Variants in SPOPL observed in about 807,000 individuals in gnomAD.
The protein encoded by SPOPL is speckle type BTB/POZ protein like.
Under a neutral mutation model 53.8 loss-of-function variants are expected in SPOPL, and 23 were observed. The ratio of observed to expected loss-of-function variants is 0.43; its 90% CI spans 0.31 to 0.61. The LOEUF (loss-of-function observed/expected upper bound fraction) is 0.61, where lower values mean the gene tolerates loss of function less well. Ranked by LOEUF, SPOPL falls within the 20% of genes least tolerant of loss-of-function variation. The pLI, the probability that SPOPL is intolerant of heterozygous loss-of-function variation, is 0.12. For missense variants in SPOPL, 442 were observed against 466.9 expected, an observed-to-expected ratio of 0.95 and a Z score of 0.49; for synonymous variants, 164 against 149.7, an observed-to-expected ratio of 1.10 and a Z score of -0.70.
chr2:138,534,723 T>C (rs1684891049), intron 1 of SPOPL, among the ~76,000 whole-genome samples: 1 of 152,212 alleles, frequency 6.6e-6, no homozygotes. Flanking sequence ...CAGAACACTT[T>C]TATCAGTCCC....
chr2:138,537,950 G>C (rs1454197357), intron 1 of SPOPL, among the ~76,000 whole-genome samples: 1 of 152,112 alleles, frequency 6.6e-6, no homozygotes, highest in Admixed American at 6.6e-5. Flanking sequence ...GTCTCTGCTG[G>C]TTATGGGGGT....
In SPOPL at chr2:138,546,963, T is replaced by TTTTA. The variant is rs560717451; in HGVS notation, c.-60-3191_-60-3190insATTT. Among the ~76,000 whole-genome samples the TTTTA allele has an allele frequency of 1.6e-3, 250 of 152,282 alleles. 1 individual carries two copies. The highest frequency in any genetic ancestry group is 2.8e-3 in the Admixed American group (43 of 15,292). ...TCTTTTATGTAGCTTGCTTTTATTT[T>TTTTA]TTTTATTTTATTTTATTTTTGAGAT... On this transcript the variant is annotated intron_variant, in intron 1 of 10. Transcript: ENST00000280098.
chr2:138,554,514 CTG>C, intron 5 of SPOPL: 1 of 1,289,530 alleles, frequency 7.8e-7, no homozygotes, highest in South Asian at 1.3e-5. Flanking sequence ...TCCCCCTCCC[CTG>C]CAAGTGGTGC....
rs1178180251 is a variant in SPOPL, at chr2:138,559,030, G to T, written c.489G>T (p.Val163=). ...TGTCCCTTTTTTATTAGGTGAGTGTGGTCCAAGATTCAGTAAACATATCAG... is the reference window on the plus strand; with the variant it reads ...TGTCCCTTTTTTATTAGGTGAGTGTTGTCCAAGATTCAGTAAACATATCAG... ...DKLTLFCEVS[V]VQDSVNISGH... The change falls in exon 6 of 11, where the codon GTG becomes GTT. Residue 163 remains valine (V), a synonymous_variant. Transcript: ENST00000280098. The T allele has an allele frequency of 1.3e-6, 2 of 1,591,866 alleles. No individual in the cohort carries two copies. The highest frequency in any genetic ancestry group is 1.7e-6 in the Non-Finnish European group (2 of 1,172,264).
intron 1 of SPOPL, among the ~76,000 whole-genome samples, chr2:138,524,711 G>T (rs779620431): frequency 6.6e-6 from 1 of 152,126 alleles, no homozygotes; most frequent in East Asian, 1.9e-4. Context: ...TTGCTAAAAC[G>T]TAACAAGACC....
chr2:138,532,551 C>T (rs1452122667), intron 1 of SPOPL, among the ~76,000 whole-genome samples: 8 of 149,862 alleles, frequency 5.3e-5, no homozygotes, highest in Admixed American at 2.0e-4. Context: ...ATCAGCCTCC[C>T]GAGTAGCTGG....
chr2:138,539,323 A>G (rs1181769265), intron 1 of SPOPL, among the ~76,000 whole-genome samples: 1 of 152,302 alleles, frequency 6.6e-6, no homozygotes, highest in Admixed American at 6.5e-5. Context: ...AGGAATCGCC[A>G]CACTGACTTC....
At chr2:138,503,782 G>A (rs55912468) in intron 1 of SPOPL, among the ~76,000 whole-genome samples, 3,423 of 152,238 alleles carry the variant, frequency 0.022, 134 homozygotes, top group African/African-American at 0.078. Context: ...ACAGATAAAA[G>A]TTTTAGTACT....
rs1163315087 is a variant in SPOPL at position 138,573,498 on chromosome 2, C to G, written c.*4418C>G. On this transcript the variant is annotated 3_prime_UTR_variant, in exon 11 of 11. Coordinates refer to ENST00000280098, the MANE Select transcript of SPOPL (RefSeq NM_001001664.3). ...CGTACCATTAATGTAACAGAGATCA[C>G]CTTTTCCCTGTCATTCCTATCCTGT... 1 of 152,162 alleles carries G rather than the reference C, an allele frequency of 6.6e-6. No individual in the cohort carries two copies. The highest frequency in any genetic ancestry group is 1.5e-5 in the Non-Finnish European group (1 of 68,026). The allele number at this position is 152,162 out of a possible 1,614,324, so 9.4% of individuals were successfully genotyped here. A position where few individuals can be genotyped will look rare whatever the true frequency, so the allele number is the denominator to read the frequency against.
chr2:138,559,966 C>T, intron 7 of SPOPL, among the ~76,000 whole-genome samples: 1 of 152,102 alleles, frequency 6.6e-6, no homozygotes, highest in East Asian at 1.9e-4. Flanking sequence ...TGCTTTCTTT[C>T]TCCAAGTTTT....
intron 1 of SPOPL, among the ~76,000 whole-genome samples, chr2:138,507,765 A>G (rs559200293): frequency 2.6e-5 from 4 of 152,324 alleles, no homozygotes; most frequent in Non-Finnish European, 5.9e-5. Flanking sequence ...CCACCCATAT[A>G]GTCACTAAAT....
chr2:138,567,586 GTTTTGCA>G (rs769129467), intron 10 of SPOPL, among the ~76,000 whole-genome samples: 6 of 152,146 alleles, frequency 3.9e-5, no homozygotes, highest in Non-Finnish European at 7.3e-5. Flanking sequence ...GACATGATTA[GTTTTGCA>G]TTTTTAACAA....
intron 7 of SPOPL, among the ~76,000 whole-genome samples, chr2:138,559,626 A>T (rs1198998932): frequency 2.0e-5 from 3 of 152,150 alleles, no homozygotes; most frequent in Non-Finnish European, 2.9e-5. Context: ...GTCCATAGCT[A>T]TTTGAGAAGT....
At chr2:138,540,346 A>G (rs1315210811) in intron 1 of SPOPL, among the ~76,000 whole-genome samples, 1 of 152,128 alleles carries the variant, frequency 6.6e-6, no homozygotes, top group African/African-American at 2.4e-5. Flanking sequence ...CAGTATGGCC[A>G]TTTTCACGAT....
intron 5 of SPOPL, among the ~76,000 whole-genome samples, chr2:138,555,082 A>G (rs1383211882): frequency 6.6e-6 from 1 of 151,906 alleles, no homozygotes; most frequent in African/African-American, 2.4e-5. Flanking sequence ...ATGGTGAGAA[A>G]GAGACAGAAG....
intron 1 of SPOPL, among the ~76,000 whole-genome samples, chr2:138,544,685 G>A (rs905769060): frequency 2.6e-5 from 4 of 152,224 alleles, no homozygotes; most frequent in African/African-American, 7.2e-5. Flanking sequence ...TGCTTCCCGG[G>A]TGAGGTGATG....
Position 138,547,916 on chromosome 2 carries a change from T to C in SPOPL, c.-60-2241T>C, listed in dbSNP as rs561024250. ...ATATCCTGAACACTTTTCCCTGTCA[T>C]TAAGAAAATTTAATACACTCTTAAT... On this transcript the variant is annotated intron_variant, in intron 1 of 10. Transcript: ENST00000280098. 9.2e-5 allele frequency among the ~76,000 whole-genome samples: 14 copies of C among 152,270 alleles called. No homozygotes were observed. The South Asian group carries it at 2.3e-3, about 25-fold the overall frequency.
At chr2:138,536,130 A>G (rs1573887499) in intron 1 of SPOPL, among the ~76,000 whole-genome samples, 1 of 152,082 alleles carries the variant, frequency 6.6e-6, no homozygotes, top group Admixed American at 6.6e-5. Flanking sequence ...CCAACATGTA[A>G]GTTTAATCAC....
chr2:138,550,827 T>TTCGCTC, intron 3 of SPOPL, 76 bp from the exon 4 acceptor site: 1 of 1,146,110 alleles, frequency 8.7e-7, no homozygotes, highest in Non-Finnish European at 1.2e-6. Context: ...CTCTCTCTCT[T>TTCGCTC]TCTCTCTCTC....
Sources: gnomAD v4.1 joint callset for allele counts (sites outside exome capture counted in the v4.1 genomes callset) on GRCh38, gnomAD v4.1.1 for gene constraint, MANE v1.5 for transcripts, NCBI Gene and HGNC (gene_info 2026-07-23, HGNC 2026-07-21) for gene names.